RANBP2: variants seen among roughly 807,000 people sequenced by gnomAD.
The protein encoded by RANBP2 is E3 SUMO-protein ligase RanBP2.
Under a neutral mutation model 303.6 loss-of-function variants are expected in RANBP2, and 57 were observed. The observed-to-expected ratio is 0.19, with a 90% CI of 0.15 to 0.23. The LOEUF is 0.23. Ranked by LOEUF, RANBP2 falls within the 10% of genes least tolerant of loss-of-function variation. The pLI is 1.00. For missense variants in RANBP2, 3,138 were observed against 3,780.8 expected (o/e 0.83, Z 4.46); for synonymous variants, 1,167 against 1,301.5 (o/e 0.90, Z 2.23).
At chr2:109,053,488 A>G in the RANBP2 span, among the ~76,000 whole-genome samples, 124 of 152,294 alleles carry the variant, frequency 8.1e-4, no homozygotes, top group African/African-American at 2.8e-3. Flanking sequence ...AAGGCAGGGC[A>G]GACTGCTTTT....
the RANBP2 span, chr2:109,347,675 A>G: frequency 6.2e-7 from 1 of 1,613,104 alleles, no homozygotes; most frequent in East Asian, 2.2e-5. Flanking sequence ...TGCTTGCAGA[A>G]TCCCTGCCTG....
At chr2:108,744,807 A>G (rs1005199246) in intron 7 of RANBP2, among the ~76,000 whole-genome samples, 2 of 152,160 alleles carry the variant, frequency 1.3e-5, no homozygotes, top group African/African-American at 2.4e-5. Flanking sequence ...TCTGTTCCCT[A>G]GTTATTTACT....
intron 1 of RANBP2, among the ~76,000 whole-genome samples, chr2:108,728,781 G>T (rs1305769513): frequency 6.6e-6 from 1 of 152,044 alleles, no homozygotes; most frequent in African/African-American, 2.4e-5. Context: ...AGTAGCTGGG[G>T]TTACAGGCAC....
chr2:108,735,696 G>T lies in RANBP2; in HGVS notation c.570G>T (p.Glu190Asp), dbSNP rs750174525. 1 of 1,597,602 alleles carries T rather than the reference G, an allele frequency of 6.3e-7. No individual in the cohort carries two copies. The highest frequency in any genetic ancestry group is 8.5e-7 in the Non-Finnish European group (1 of 1,179,786). The change falls in exon 5 of 29, where the codon GAG (glutamate) becomes GAT (aspartate). Residue 190 changes from glutamate to aspartate, a missense_variant. Glu to Asp is a conservative substitution (Grantham distance 45). Transcript: ENST00000283195. ...AGGATGCTGTGGCCCACTGCCATGA[G>T]GCAGAGAGGAACATAGCTTTGCGTT... The part of the protein sequence containing the change: ...RLKDAVAHCH[E>D]AERNIALRSS...
the RANBP2 span, among the ~76,000 whole-genome samples, chr2:109,059,350 C>T: frequency 0.32 from 48,845 of 151,982 alleles, 9,536 homozygotes; most frequent in South Asian, 0.54. Flanking sequence ...CCAAAGTGGG[C>T]GGATCATGAG....
the RANBP2 span, among the ~76,000 whole-genome samples, chr2:108,973,064 G>A: frequency 1.3e-5 from 2 of 151,996 alleles, no homozygotes; most frequent in South Asian, 2.1e-4. Context: ...TCAGCTCACC[G>A]TAACCTCTGC....
chr2:109,577,805 C>T, the RANBP2 span, among the ~76,000 whole-genome samples: 1 of 147,042 alleles, frequency 6.8e-6, no homozygotes, highest in Admixed American at 7.1e-5. Flanking sequence ...ACCAGCTACA[C>T]AGGAGGCTGA....
At chr2:108,781,221 A>T in intron 25 of RANBP2, 48 bp from the exon 26 acceptor site, 1 of 1,590,850 alleles carries the variant, frequency 6.3e-7, no homozygotes, top group Non-Finnish European at 8.6e-7. Context: ...GGGATGAAAA[A>T]TGTAAAAAAT....
chr2:108,904,202 A>G, the RANBP2 span, among the ~76,000 whole-genome samples: 1 of 152,212 alleles, frequency 6.6e-6, no homozygotes, highest in Non-Finnish European at 1.5e-5. Flanking sequence ...CACAGATGAA[A>G]AAAACACAAG....
the RANBP2 span, among the ~76,000 whole-genome samples, chr2:108,973,390 G>A: frequency 6.6e-6 from 1 of 152,206 alleles, no homozygotes; most frequent in Non-Finnish European, 1.5e-5. Flanking sequence ...CAGAGAGAGT[G>A]TCCGCCATCA....
the RANBP2 span, among the ~76,000 whole-genome samples, chr2:108,826,821 G>A: frequency 2.0e-5 from 3 of 152,170 alleles, no homozygotes; most frequent in Non-Finnish European, 4.4e-5. Context: ...TGAATCTGTG[G>A]ATTAATTTGA....
At chr2:109,315,497 C>T in the RANBP2 span, among the ~76,000 whole-genome samples, 2 of 152,244 alleles carry the variant, frequency 1.3e-5, no homozygotes, top group African/African-American at 4.8e-5. Context: ...GGAACTGTCT[C>T]AGTATGAAAA....
chr2:108,721,942 T>C (rs1199129498), intron 1 of RANBP2, among the ~76,000 whole-genome samples: 1 of 151,972 alleles, frequency 6.6e-6, no homozygotes, highest in African/African-American at 2.4e-5. Flanking sequence ...CTTATCATGT[T>C]ACCCAGGCTG....
At chr2:108,991,829 C>CA in the RANBP2 span, among the ~76,000 whole-genome samples, 4 of 152,182 alleles carry the variant, frequency 2.6e-5, no homozygotes, top group Non-Finnish European at 1.5e-5. Flanking sequence ...TTTGGTGAGA[C>CA]AGAGTCTTGC....
chr2:109,241,768 A>T, the RANBP2 span, among the ~76,000 whole-genome samples: 6 of 143,508 alleles, frequency 4.2e-5, no homozygotes, highest in South Asian at 6.7e-4. Flanking sequence ...GTCTTGAATA[A>T]TTTTTTTTTT....
the RANBP2 span, among the ~76,000 whole-genome samples, chr2:109,647,715 C>A: frequency 6.6e-6 from 1 of 152,132 alleles, no homozygotes; most frequent in Non-Finnish European, 1.5e-5. Context: ...GGCGATCCAC[C>A]CGCCTCAGCC....
the RANBP2 span, among the ~76,000 whole-genome samples, chr2:109,256,517 A>G: frequency 3.9e-5 from 6 of 152,304 alleles, no homozygotes; most frequent in Admixed American, 1.3e-4. Context: ...ACCAAGGCCC[A>G]GGTTCAGTCC....
At chr2:109,735,827 T>C in the RANBP2 span, among the ~76,000 whole-genome samples, 1 of 152,126 alleles carries the variant, frequency 6.6e-6, no homozygotes, top group Non-Finnish European at 1.5e-5. Context: ...AGTTTGAAAC[T>C]CTGCCTTCAG....
chr2:109,115,500 CTTTTA>C, the RANBP2 span, among the ~76,000 whole-genome samples: 2 of 152,090 alleles, frequency 1.3e-5, no homozygotes, highest in Non-Finnish European at 2.9e-5. Flanking sequence ...TTCCTCCATC[CTTTTA>C]TTTTGAGCCT....
Sources: gnomAD v4.1 joint callset for allele counts (sites outside exome capture counted in the v4.1 genomes callset) on GRCh38, gnomAD v4.1.1 for gene constraint, MANE v1.5 for transcripts, NCBI Gene and HGNC (gene_info 2026-07-23, HGNC 2026-07-21) for gene names.